Variants in UNC5D observed in about 807,000 individuals in gnomAD.
UNC5D encodes unc-5 netrin receptor D.
In UNC5D, 39 loss-of-function variants were observed where a neutral mutation model predicts 105.4. The observed-to-expected ratio is 0.37, with a 90% CI of 0.29 to 0.48. The LOEUF (loss-of-function observed/expected upper bound fraction) is 0.48, where lower values mean the gene tolerates loss of function less well. Among genes scored for constraint, UNC5D ranks in the 20% least tolerant of loss-of-function variants. UNC5D has a pLI of 0.98. For synonymous variants in UNC5D, 452 were observed against 450.4 expected (o/e 1.00, Z -0.04); for missense variants, 991 against 1,202.4 (o/e 0.82, Z 2.60).
At chr8:35,669,570 C>T (rs1030340338) in intron 4 of UNC5D, among the ~76,000 whole-genome samples, 1 of 152,076 alleles carries the variant, frequency 6.6e-6, no homozygotes, top group Admixed American at 6.6e-5. Flanking sequence ...TAAACCTTCC[C>T]TTCAAGCCAC....
intron 1 of UNC5D, among the ~76,000 whole-genome samples, chr8:35,438,234 T>C (rs1807159114): frequency 6.6e-6 from 1 of 152,054 alleles, no homozygotes; most frequent in Admixed American, 6.6e-5. Flanking sequence ...CATTTAGTAA[T>C]AATGGGATTT....
rs149283775 is a variant in UNC5D at position 35,515,996 on chromosome 8, C to T, written c.104-33296C>T. On this transcript the variant is annotated intron_variant, in intron 1 of 16. Transcript: ENST00000404895. Reference sequence around the variant, plus strand: ...TCCTACCCCATCAACTGTTCAAGCCCGTCAAACTGAACTATTGTCTCCTGC... The same window carrying T: ...TCCTACCCCATCAACTGTTCAAGCCTGTCAAACTGAACTATTGTCTCCTGC... 9.9e-3 allele frequency among the ~76,000 whole-genome samples: 1,500 copies of T among 152,120 alleles called. 30 individuals carry two copies. The highest frequency in any genetic ancestry group is 0.034 in the African/African-American group (1,402 of 41,496).
intron 11 of UNC5D, among the ~76,000 whole-genome samples, chr8:35,735,241 G>T (rs191762308): frequency 1.0e-5 from 1 of 95,970 alleles, no homozygotes; most frequent in African/African-American, 3.9e-5. Flanking sequence ...TTTGCACCCC[G>T]CCCCCGACCC....
intron 1 of UNC5D, among the ~76,000 whole-genome samples, chr8:35,405,432 A>G (rs759064479): frequency 3.9e-5 from 6 of 152,236 alleles, no homozygotes; most frequent in Non-Finnish European, 7.3e-5. Context: ...TATGATGCCC[A>G]TATTACCTTG....
chr8:35,533,924 C>T (rs1437891134), intron 1 of UNC5D, among the ~76,000 whole-genome samples: 1 of 152,160 alleles, frequency 6.6e-6, no homozygotes, highest in Non-Finnish European at 1.5e-5. Flanking sequence ...GTGCGCGCAC[C>T]CACTGGCCTG....
chr8:35,287,496 T>C (rs1468978828), intron 1 of UNC5D, among the ~76,000 whole-genome samples: 1 of 151,868 alleles, frequency 6.6e-6, no homozygotes, highest in Non-Finnish European at 1.5e-5. Context: ...TAAAAGTCAA[T>C]AGAAAGCTTC....
At chr8:35,553,073 G>A (rs1816284644) in intron 2 of UNC5D, among the ~76,000 whole-genome samples, 1 of 152,110 alleles carries the variant, frequency 6.6e-6, no homozygotes, top group African/African-American at 2.4e-5. Context: ...ATCCCATTGG[G>A]TAAACTCTTC....
intron 2 of UNC5D, among the ~76,000 whole-genome samples, chr8:35,562,999 A>T (rs1014287896): frequency 6.6e-6 from 1 of 151,810 alleles, no homozygotes; most frequent in Non-Finnish European, 1.5e-5. Context: ...TAAGGGTCTA[A>T]TTTCATTTTT....
chr8:35,652,024 A>T (rs1488849641), intron 4 of UNC5D, among the ~76,000 whole-genome samples: 1 of 152,198 alleles, frequency 6.6e-6, no homozygotes, highest in Non-Finnish European at 1.5e-5. Flanking sequence ...ACACTAAAAA[A>T]TAAGCCAAAT....
At chr8:35,307,847 A>C (rs1808541908) in intron 1 of UNC5D, among the ~76,000 whole-genome samples, 1 of 152,106 alleles carries the variant, frequency 6.6e-6, no homozygotes, top group South Asian at 2.1e-4. Flanking sequence ...CAGAAGCACA[A>C]CATTGATTGC....
intron 1 of UNC5D, among the ~76,000 whole-genome samples, chr8:35,266,882 C>G (rs1296081815): frequency 1.3e-5 from 2 of 152,054 alleles, no homozygotes; most frequent in African/African-American, 2.4e-5. Flanking sequence ...CAAAATGGAG[C>G]CTCTGGAGAA....
intron 1 of UNC5D, among the ~76,000 whole-genome samples, chr8:35,393,289 T>A (rs1032358636): frequency 1.4e-4 from 21 of 151,172 alleles, no homozygotes; most frequent in Admixed American, 2.6e-4. Context: ...GCCCGCCACC[T>A]CGCCCGGCTA....
At chr8:35,421,539 G>A (rs1294248925) in intron 1 of UNC5D, among the ~76,000 whole-genome samples, 3 of 152,196 alleles carry the variant, frequency 2.0e-5, no homozygotes, top group African/African-American at 7.2e-5. Flanking sequence ...TTTAATAATA[G>A]GAATTGTTGG....
At position 35,295,373 on chromosome 8, in the gene UNC5D, T is replaced by C. The variant is rs76487154; in HGVS notation, c.103+59486T>C. On this transcript the variant is annotated intron_variant, in intron 1 of 16. Coordinates refer to ENST00000404895, the MANE Select transcript of UNC5D (RefSeq NM_080872.4). ...TAATTTTTAAAATACATGGTTCATCTGCAAGTTTTTTTCAAATTGTTGCAA... is the reference window on the plus strand; with the variant it reads ...TAATTTTTAAAATACATGGTTCATCCGCAAGTTTTTTTCAAATTGTTGCAA... Among the ~76,000 whole-genome samples, 462 of 152,342 alleles carry C rather than the reference T, an allele frequency of 3.0e-3. 3 individuals are homozygous for C. The highest frequency in any genetic ancestry group is 3.0e-3 in the Non-Finnish European group (203 of 68,028).
intron 4 of UNC5D, among the ~76,000 whole-genome samples, chr8:35,679,775 T>G (rs528529857): frequency 3.3e-4 from 51 of 152,318 alleles, no homozygotes; most frequent in African/African-American, 1.2e-3. Context: ...GGACAGTGTC[T>G]TAGTTTATTT....
At chr8:35,456,786 G>A (rs1808526673) in intron 1 of UNC5D, among the ~76,000 whole-genome samples, 1 of 152,166 alleles carries the variant, frequency 6.6e-6, no homozygotes. Context: ...GGGAATCTGG[G>A]CCTTAACGCT....
At chr8:35,249,119 A>G (rs1414376336) in intron 1 of UNC5D, among the ~76,000 whole-genome samples, 2 of 131,786 alleles carry the variant, frequency 1.5e-5, no homozygotes, top group Non-Finnish European at 3.1e-5. Context: ...TATATTATAT[A>G]TATAAAATTA....
chr8:35,430,394 C>A (rs1454707144), intron 1 of UNC5D, among the ~76,000 whole-genome samples: 2 of 152,138 alleles, frequency 1.3e-5, no homozygotes, highest in Non-Finnish European at 2.9e-5. Context: ...TATCTGTACC[C>A]TTTGTAATAT....
chr8:35,320,585 C>A (rs906836449), intron 1 of UNC5D, among the ~76,000 whole-genome samples: 4 of 152,140 alleles, frequency 2.6e-5, no homozygotes, highest in Non-Finnish European at 2.9e-5. Context: ...AAAATACTTT[C>A]ATTTCCTTCA....
Sources: gnomAD v4.1 joint callset for allele counts (sites outside exome capture counted in the v4.1 genomes callset) on GRCh38, gnomAD v4.1.1 for gene constraint, MANE v1.5 for transcripts, NCBI Gene and HGNC (gene_info 2026-07-23, HGNC 2026-07-21) for gene names.